PLD5: variants seen among roughly 807,000 people sequenced by gnomAD.
PLD5 encodes the protein inactive phospholipase D5.
In PLD5, 36 loss-of-function variants were observed where a neutral mutation model predicts 61.1. The ratio of observed to expected loss-of-function variants is 0.59; its 90% CI spans 0.45 to 0.78. The LOEUF (loss-of-function observed/expected upper bound fraction) is 0.78. Among genes scored for constraint, PLD5 ranks in the 30% least tolerant of loss-of-function variants. The pLI, the probability that PLD5 is intolerant of heterozygous loss-of-function variation, is 0.00. For synonymous variants in PLD5, 243 were observed against 242.8 expected (o/e 1.00, Z -0.01); for missense variants, 515 against 644.4 (o/e 0.80, Z 2.17).
intron 5 of PLD5, among the ~76,000 whole-genome samples, chr1:242,161,321 C>G (rs316844): frequency 6.6e-6 from 1 of 151,984 alleles, no homozygotes; most frequent in Non-Finnish European, 1.5e-5. Context: ...CATCAGATCT[C>G]GTGAGACTTA....
intron 1 of PLD5, among the ~76,000 whole-genome samples, chr1:242,402,732 C>T (rs924774): frequency 0.26 from 39,811 of 152,012 alleles, 5,842 homozygotes; most frequent in African/African-American, 0.4. Context: ...CATGAAGGTG[C>T]TCAAAGGAAG....
At chr1:242,501,314 T>G (rs1207472331) in intron 1 of PLD5, among the ~76,000 whole-genome samples, 1 of 152,226 alleles carries the variant, frequency 6.6e-6, no homozygotes, top group African/African-American at 2.4e-5. Flanking sequence ...CCAACAAATC[T>G]GAGCAGAAAG....
At chr1:242,168,487 T>C (rs1453841288) in intron 5 of PLD5, among the ~76,000 whole-genome samples, 1 of 152,200 alleles carries the variant, frequency 6.6e-6, no homozygotes, top group African/African-American at 2.4e-5. Flanking sequence ...AATTCCTTAT[T>C]AAACAGCACA....
chr1:242,247,890 G>A (rs1033533572), intron 4 of PLD5, among the ~76,000 whole-genome samples: 1 of 152,156 alleles, frequency 6.6e-6, no homozygotes, highest in Admixed American at 6.5e-5. Flanking sequence ...CAGCTGCTGT[G>A]GCAACCTGAA....
intron 4 of PLD5, among the ~76,000 whole-genome samples, chr1:242,222,082 T>G (rs1325945690): frequency 1.3e-5 from 2 of 152,160 alleles, no homozygotes; most frequent in Non-Finnish European, 2.9e-5. Context: ...GGCTTGTAAC[T>G]GCAGCACTCT....
chr1:242,158,447 A>G (rs1206084442), intron 5 of PLD5, among the ~76,000 whole-genome samples: 1 of 152,102 alleles, frequency 6.6e-6, no homozygotes. Flanking sequence ...TGGGGTAGGC[A>G]CCAGAGGGAA....
At chr1:242,124,446 G>A in intron 6 of PLD5, 22 bp downstream of exon 6, 1 of 1,604,328 alleles carries the variant, frequency 6.2e-7, no homozygotes, top group South Asian at 1.1e-5. Context: ...GAGAAGGGGA[G>A]GAGAAAGGGA....
rs942386108 is a variant in PLD5, at chr1:242,478,770, T to A, written c.189+45318A>T. 9.1e-4 allele frequency among the ~76,000 whole-genome samples: 138 copies of A among 152,128 alleles called. 1 individual carries two copies. Among genetic ancestry groups the A allele is most frequent in the Non-Finnish European group, 8.8e-5 (6 of 68,030 alleles). ...CCTCGAGAAACCCACAAAAATCCTA[T>A]AATACAGTGAGAGAATTACTATTCC... On this transcript the variant is annotated intron_variant, in intron 1 of 9. Transcript: ENST00000536534.
intron 5 of PLD5, among the ~76,000 whole-genome samples, chr1:242,150,150 C>G (rs907468804): frequency 6.6e-6 from 1 of 151,600 alleles, no homozygotes. Context: ...TTCATATATT[C>G]ACAGATTGTA....
chr1:242,220,150 G>A (rs554458651), intron 4 of PLD5, 35 bp from the exon 5 acceptor site: 22 of 1,608,340 alleles, frequency 1.4e-5, no homozygotes, highest in South Asian at 3.3e-5. Context: ...CAGCCTCTGC[G>A]TCAAGGCCCT....
chr1:242,262,987 C>T (rs1215991956), intron 4 of PLD5, among the ~76,000 whole-genome samples: 2 of 152,114 alleles, frequency 1.3e-5, no homozygotes, highest in African/African-American at 2.4e-5. Flanking sequence ...CACCTCACCT[C>T]CAAGCCACAG....
chr1:242,391,846 G>A (rs1203677974), intron 1 of PLD5, among the ~76,000 whole-genome samples: 1 of 152,126 alleles, frequency 6.6e-6, no homozygotes, highest in East Asian at 1.9e-4. Flanking sequence ...CATACAAAAG[G>A]CAGAGATTTC....
intron 3 of PLD5, among the ~76,000 whole-genome samples, chr1:242,273,377 C>T (rs1256843403): frequency 6.6e-6 from 1 of 151,958 alleles, no homozygotes; most frequent in Admixed American, 6.6e-5. Context: ...AATAGAGGCA[C>T]AATATTTTTA....
chr1:242,239,405 AT>A (rs1421052232), intron 4 of PLD5, among the ~76,000 whole-genome samples: 1 of 152,214 alleles, frequency 6.6e-6, no homozygotes, highest in Non-Finnish European at 1.5e-5. Flanking sequence ...GCATAATTCA[AT>A]TGTTTTAAAG....
At chr1:242,288,210 C>T in intron 3 of PLD5, 152 bp downstream of exon 3, 2 of 1,016,258 alleles carry the variant, frequency 2.0e-6, no homozygotes, top group Non-Finnish European at 2.8e-6. Flanking sequence ...TTAACAACGA[C>T]ACATCTACAT....
intron 1 of PLD5, among the ~76,000 whole-genome samples, chr1:242,370,579 G>C (rs1319198610): frequency 6.6e-6 from 1 of 152,130 alleles, no homozygotes; most frequent in Non-Finnish European, 1.5e-5. Flanking sequence ...ACCAGTTCTG[G>C]TGTCTCCCAC....
At chr1:242,183,650 C>G (rs1667664128) in intron 5 of PLD5, among the ~76,000 whole-genome samples, 1 of 152,128 alleles carries the variant, frequency 6.6e-6, no homozygotes. Context: ...AATCCCAGCA[C>G]TTTGGGAGGC....
chr1:242,301,338 A>G (rs560040322), intron 2 of PLD5, among the ~76,000 whole-genome samples: 31 of 152,338 alleles, frequency 2.0e-4, no homozygotes, highest in African/African-American at 6.5e-4. Context: ...AGAATTGTCA[A>G]TCTGTTCAGG....
chr1:242,484,596 C>T (rs1260927669), intron 1 of PLD5, among the ~76,000 whole-genome samples: 2 of 152,102 alleles, frequency 1.3e-5, no homozygotes, highest in Non-Finnish European at 2.9e-5. Flanking sequence ...AAGTCCAGGA[C>T]CAGACAGATT....
Sources: allele counts gnomAD v4.1 joint callset (sites outside exome capture counted in the v4.1 genomes callset), GRCh38; gene constraint gnomAD v4.1.1; transcripts MANE v1.5; gene names NCBI Gene and HGNC (gene_info 2026-07-23, HGNC 2026-07-21).